Variants in PAM observed in about 807,000 individuals in gnomAD.
PAM encodes the protein peptidylglycine alpha-amidating monooxygenase, also known as peptidyl-glycine alpha-amidating monooxygenase.
PAM carries 72 observed loss-of-function variants against 122.1 expected under a neutral mutation model. The observed-to-expected ratio is 0.59, with a 90% confidence interval of 0.49 to 0.72. The LOEUF is 0.72. PAM is among the 30% of genes least tolerant of loss of function. The pLI, the probability that PAM is intolerant of heterozygous loss-of-function variation, is 0.00. For missense variants in PAM, 1,106 were observed against 1,183.7 expected (o/e 0.93, Z 0.96); for synonymous variants, 389 against 404.4 (o/e 0.96, Z 0.46).
At chr5:103,016,136 C>G (rs1340372863) in intron 21 of PAM, among the ~76,000 whole-genome samples, 1 of 152,126 alleles carries the variant, frequency 6.6e-6, no homozygotes, top group African/African-American at 2.4e-5. Flanking sequence ...CTGTGTTTTC[C>G]TCTACATATT....
intron 1 of PAM, among the ~76,000 whole-genome samples, chr5:102,776,299 T>C (rs1757168933): frequency 6.6e-6 from 1 of 152,098 alleles, no homozygotes; most frequent in African/African-American, 2.4e-5. Flanking sequence ...TTTTCACTCT[T>C]GGGATAGTTT....
At chr5:103,028,796 C>T in intron 25 of PAM, 91 bp from the exon 26 acceptor site, 2 of 821,376 alleles carry the variant, frequency 2.4e-6, no homozygotes, top group Non-Finnish European at 3.9e-6. Flanking sequence ...TTTCCCATCC[C>T]CACCTTCTGA....
In PAM at chr5:102,865,889, A is replaced by C; in HGVS notation, c.-307A>C. Reference sequence around the variant, plus strand: ...ACAGCCCCTGTCATTCCGGAGTCATAAGGCACCCGCGCGTCTAGCCCCAGC... The same window carrying C: ...ACAGCCCCTGTCATTCCGGAGTCATCAGGCACCCGCGCGTCTAGCCCCAGC... On this transcript the variant is annotated 5_prime_UTR_variant, in exon 2 of 26. Coordinates refer to ENST00000438793, the MANE Select transcript of PAM (RefSeq NM_001177306.2). The C allele has an allele frequency of 3.0e-6, 1 of 330,550 alleles. No individual in the cohort carries two copies. The highest frequency in any genetic ancestry group is 7.5e-5 in the South Asian group (1 of 13,332). 20.5% of individuals were successfully genotyped at this position (330,550 alleles called of 1,614,324 possible).
At chr5:102,804,631 T>C (rs1314754934) in intron 1 of PAM, among the ~76,000 whole-genome samples, 1 of 152,226 alleles carries the variant, frequency 6.6e-6, no homozygotes, top group African/African-American at 2.4e-5. Flanking sequence ...CTTAACTGGA[T>C]TTAGAAAAAG....
intron 15 of PAM, among the ~76,000 whole-genome samples, chr5:102,983,099 T>C (rs1048900436): frequency 4.0e-5 from 6 of 151,838 alleles, no homozygotes; most frequent in Non-Finnish European, 8.8e-5. Flanking sequence ...GCTTCAACAA[T>C]AGACTAGATC....
At chr5:102,912,201 T>C (rs1358849348) in intron 4 of PAM, among the ~76,000 whole-genome samples, 5 of 151,924 alleles carry the variant, frequency 3.3e-5, no homozygotes. Context: ...TAAGATCTTC[T>C]GAGGGGAGGA....
At chr5:103,010,093 C>T (rs1780182494) in intron 21 of PAM, among the ~76,000 whole-genome samples, 1 of 152,076 alleles carries the variant, frequency 6.6e-6, no homozygotes, top group African/African-American at 2.4e-5. Context: ...TGCAAATTAG[C>T]ACGTGTGCAG....
intron 7 of PAM, among the ~76,000 whole-genome samples, chr5:102,927,260 T>TTA (rs1316004970): frequency 3.3e-5 from 5 of 152,170 alleles, no homozygotes; most frequent in South Asian, 2.1e-4. Context: ...GCCCCTTTCC[T>TTA]TACTATAGAT....
intron 4 of PAM, among the ~76,000 whole-genome samples, chr5:102,908,069 T>C (rs1292350017): frequency 3.9e-5 from 6 of 152,070 alleles, no homozygotes; most frequent in African/African-American, 1.2e-4. Flanking sequence ...CTGAATGATA[T>C]TGCCTAGGTT....
chr5:102,951,985 A>G (rs2150099798), intron 12 of PAM, among the ~76,000 whole-genome samples: 1 of 152,162 alleles, frequency 6.6e-6, no homozygotes, highest in South Asian at 2.1e-4. Context: ...CTTCTTAACA[A>G]TCTTTACATG....
intron 1 of PAM, among the ~76,000 whole-genome samples, chr5:102,806,565 T>C (rs901337059): frequency 2.6e-5 from 4 of 152,230 alleles, no homozygotes; most frequent in Admixed American, 6.5e-5. Flanking sequence ...AATTTGAATA[T>C]ATGTGTGATA....
intron 1 of PAM, among the ~76,000 whole-genome samples, chr5:102,782,831 T>G (rs1759421395): frequency 6.6e-6 from 1 of 151,846 alleles, no homozygotes; most frequent in Admixed American, 6.6e-5. Flanking sequence ...TTTTTTTTTT[T>G]GAGAAATTTT....
chr5:102,920,428 G>A (rs972428866), intron 5 of PAM, among the ~76,000 whole-genome samples: 1 of 151,898 alleles, frequency 6.6e-6, no homozygotes, highest in African/African-American at 2.4e-5. Context: ...AGGAACAGTG[G>A]GTAGTTTCTG....
At chr5:102,946,796 A>C in intron 7 of PAM, 41 bp from the exon 8 acceptor site, 1 of 1,255,360 alleles carries the variant, frequency 8.0e-7, no homozygotes, top group Non-Finnish European at 1.2e-6. Context: ...CATTTTCTAC[A>C]TTATCATATT....
At chr5:102,923,136 C>T (rs1187767695) in intron 5 of PAM, among the ~76,000 whole-genome samples, 1 of 152,216 alleles carries the variant, frequency 6.6e-6, no homozygotes, top group Non-Finnish European at 1.5e-5. Flanking sequence ...CTTATCAAGA[C>T]TTCCTGGTTC....
intron 1 of PAM, among the ~76,000 whole-genome samples, chr5:102,775,122 T>C (rs11952016): frequency 0.026 from 4,009 of 152,132 alleles, 169 homozygotes; most frequent in African/African-American, 0.093. Context: ...ACATCATTAA[T>C]TGAATAATTA....
At position 102,776,869 on chromosome 5, in the gene PAM, C is replaced by T. The variant is rs149787226; in HGVS notation, c.-374+21521C>T. On this transcript the variant is annotated intron_variant, in intron 1 of 25. Coordinates refer to ENST00000438793, the MANE Select transcript of PAM (RefSeq NM_001177306.2). The stretch of plus-strand genomic sequence containing the variant: ...TTTTCCTTTTGTATGTCACACATTT[C>T]TTATCAGGGTTACTTTTTCATATTT... Among the ~76,000 whole-genome samples the T allele has an allele frequency of 7.4e-3, 1,120 of 152,074 alleles. 1 individual carries two copies. The highest frequency in any genetic ancestry group is 0.012 in the Non-Finnish European group (798 of 67,948).
At chr5:102,981,232 T>C (rs1184989399) in intron 15 of PAM, among the ~76,000 whole-genome samples, 1 of 152,238 alleles carries the variant, frequency 6.6e-6, no homozygotes, top group Non-Finnish European at 1.5e-5. Context: ...TTTTATGAAA[T>C]TCATATTTGG....
intron 3 of PAM, among the ~76,000 whole-genome samples, chr5:102,897,970 T>A (rs1796649996): frequency 6.6e-6 from 1 of 151,646 alleles, no homozygotes; most frequent in Non-Finnish European, 1.5e-5. Flanking sequence ...TACATCTCTA[T>A]TCGCAAACAA....
Sources: allele counts gnomAD v4.1 joint callset (sites outside exome capture counted in the v4.1 genomes callset), GRCh38; gene constraint gnomAD v4.1.1; transcripts MANE v1.5; gene names NCBI Gene and HGNC (gene_info 2026-07-23, HGNC 2026-07-21).